KLF12: variants seen among roughly 807,000 people sequenced by gnomAD.
The protein encoded by KLF12 is KLF transcription factor 12, also known as Krueppel-like factor 12.
A neutral mutation model predicts 37.8 loss-of-function variants in KLF12; 9 were observed. The ratio of observed to expected loss-of-function variants is 0.24; its 90% CI spans 0.14 to 0.42. The LOEUF is 0.42. Among genes scored for constraint, KLF12 ranks in the 10% least tolerant of loss-of-function variants. The probability of loss-of-function intolerance (pLI) is 1.00; values close to 1 mark genes in which losing one functional copy is unlikely to be tolerated. For missense variants in KLF12, 411 were observed against 516.0 expected, an observed-to-expected ratio of 0.80 and a Z score of 1.97; for synonymous variants, 208 against 202.1, an observed-to-expected ratio of 1.03 and a Z score of -0.25.
At chr13:73,987,993 A>G (rs1313231505) in intron 2 of KLF12, among the ~76,000 whole-genome samples, 2 of 152,158 alleles carry the variant, frequency 1.3e-5, no homozygotes, top group African/African-American at 4.8e-5. Context: ...TGTCATTTCA[A>G]ATACTGTCTA....
At chr13:73,745,373 G>T (rs1295330487) in intron 6 of KLF12, among the ~76,000 whole-genome samples, 2 of 152,146 alleles carry the variant, frequency 1.3e-5, no homozygotes, top group Non-Finnish European at 2.9e-5. Context: ...GTAGGCTCTG[G>T]TTTTCCTCCT....
chr13:74,135,337 G>T (rs990758680), upstream of KLF12, among the ~76,000 whole-genome samples: 14 of 151,914 alleles, frequency 9.2e-5, no homozygotes, highest in Non-Finnish European at 1.5e-4. Context: ...GCGGGGAAGG[G>T]AGTCCAGCTC....
intron 6 of KLF12, among the ~76,000 whole-genome samples, chr13:73,764,482 A>T: frequency 6.6e-6 from 1 of 151,952 alleles, no homozygotes. Flanking sequence ...CAAATTAAAA[A>T]AAAAAAAAAT....
the KLF12 span, among the ~76,000 whole-genome samples, chr13:74,151,627 T>C: frequency 2.6e-5 from 4 of 151,838 alleles, no homozygotes; most frequent in East Asian, 1.9e-4. Flanking sequence ...CACTCCAGCC[T>C]GGGTGATGGA....
intron 6 of KLF12, among the ~76,000 whole-genome samples, chr13:73,740,795 T>C (rs1194647617): frequency 6.6e-6 from 1 of 152,202 alleles, no homozygotes; most frequent in Non-Finnish European, 1.5e-5. Flanking sequence ...CATTTTGTGC[T>C]CTAACATATG....
At chr13:74,292,468 A>G in the KLF12 span, among the ~76,000 whole-genome samples, 49 of 134,620 alleles carry the variant, frequency 3.6e-4, no homozygotes, top group African/African-American at 1.2e-3. Context: ...TTTTTTTTGT[A>G]TGTTTGTGGT....
At chr13:74,107,254 T>G (rs1034369007) in intron 1 of KLF12, among the ~76,000 whole-genome samples, 3 of 152,224 alleles carry the variant, frequency 2.0e-5, no homozygotes, top group Admixed American at 1.3e-4. Context: ...ATAATGAATT[T>G]TGGTGGGACA....
At chr13:74,030,967 C>A (rs1893097568) in intron 1 of KLF12, among the ~76,000 whole-genome samples, 1 of 152,052 alleles carries the variant, frequency 6.6e-6, no homozygotes, top group African/African-American at 2.4e-5. Context: ...TTATTAAAGT[C>A]TACTTCCTAC....
rs1432443795 is a variant in KLF12 at position 73,715,415 on chromosome 13, A to G, written c.980T>C (p.Val327Ala). The change falls in exon 7 of 8, where the codon GTG becomes GCG. Residue 327 changes from valine to alanine, a missense_variant. Around this residue, in one of 2 missense-constraint regions of KLF12, gnomAD observed 60 missense variants for 118.2 expected, o/e 0.51. Transcript: ENST00000377669. ...CTTCAGGTGAGAACTTTTTGTGTAC[A>G]CTTTGTTGCATCCCTCAAAATCACA... is the stretch of plus-strand genomic sequence containing the variant. 2 of 1,613,950 alleles carry G rather than the reference A, an allele frequency of 1.2e-6. No homozygotes were observed. The highest frequency in any genetic ancestry group is 2.7e-5 in the African/African-American group (2 of 74,924).
the KLF12 span, among the ~76,000 whole-genome samples, chr13:74,266,368 C>T: frequency 6.6e-6 from 1 of 152,138 alleles, no homozygotes; most frequent in South Asian, 2.1e-4. Context: ...CTGAATTTCC[C>T]ATTATGAATG....
intron 1 of KLF12, among the ~76,000 whole-genome samples, chr13:74,103,599 C>T (rs1196456114): frequency 2.6e-5 from 4 of 152,280 alleles, no homozygotes; most frequent in South Asian, 2.1e-4. Flanking sequence ...AGCTGTTTGG[C>T]TATACAACAA....
chr13:74,238,423 T>C, the KLF12 span, among the ~76,000 whole-genome samples: 1 of 138,452 alleles, frequency 7.2e-6, no homozygotes, highest in Non-Finnish European at 1.5e-5. Flanking sequence ...TGTCTCTGCC[T>C]GGCTTTGGTA....
At chr13:73,845,709 T>C (rs1200724654) in intron 4 of KLF12, 118 bp downstream of exon 4, 3 of 842,026 alleles carry the variant, frequency 3.6e-6, no homozygotes, top group Non-Finnish European at 3.7e-6. Flanking sequence ...TGTCTCCACG[T>C]TGCTCTACAC....
chr13:73,707,580 C>T (rs1177222314), intron 7 of KLF12, among the ~76,000 whole-genome samples: 1 of 152,116 alleles, frequency 6.6e-6, no homozygotes. Flanking sequence ...AAGCACTATG[C>T]TTTATCTAAC....
At chr13:74,014,641 C>T (rs1173182398) in intron 1 of KLF12, among the ~76,000 whole-genome samples, 1 of 152,166 alleles carries the variant, frequency 6.6e-6, no homozygotes, top group Non-Finnish European at 1.5e-5. Context: ...GCATTGACCG[C>T]AATTGTTAAA....
rs578144745 is a variant in KLF12, at chr13:73,803,334, G to T, written c.806+9818C>A. On this transcript the variant is annotated intron_variant, in intron 5 of 7. Transcript: ENST00000377669. ...GAGAAGCCCCTGCCTCAGGGCCTCTGCACTTGTTATTCCTTCTGCCTGGAA... is the reference window on the plus strand; with the variant it reads ...GAGAAGCCCCTGCCTCAGGGCCTCTTCACTTGTTATTCCTTCTGCCTGGAA... Among the ~76,000 whole-genome samples the T allele has an allele frequency of 2.0e-4, 31 of 152,286 alleles. 1 individual carries two copies. The highest frequency in any genetic ancestry group is 7.5e-4 in the African/African-American group (31 of 41,550).
chr13:73,686,149 A>C lies in KLF12; in HGVS notation c.*9341T>G, dbSNP rs932195204. On this transcript the variant is annotated 3_prime_UTR_variant, in exon 8 of 8. Coordinates refer to ENST00000377669, the MANE Select transcript of KLF12 (RefSeq NM_007249.5). ...TGCCTTCATTCAGATAATTATACAA[A>C]TGCATACAGTTAAAGGTTTAAACTC... 6 of 152,664 alleles carry C rather than the reference A, an allele frequency of 3.9e-5. No homozygotes were observed. Among genetic ancestry groups the C allele is most frequent in the Non-Finnish European group, 8.8e-5 (6 of 68,040 alleles). The allele number at this position is 152,664 out of a possible 1,614,324, so 9.5% of individuals were successfully genotyped here. A position where few individuals can be genotyped will look rare whatever the true frequency, so the allele number is the denominator to read the frequency against.
chr13:73,911,870 A>G (rs1486174920), intron 3 of KLF12, among the ~76,000 whole-genome samples: 1 of 151,956 alleles, frequency 6.6e-6, no homozygotes, highest in Non-Finnish European at 1.5e-5. Context: ...TTTCAATAAA[A>G]CTCTGTCATG....
the KLF12 span, among the ~76,000 whole-genome samples, chr13:74,140,954 GTGGGGGGT>G: frequency 0.98 from 148,362 of 152,056 alleles, 72,499 homozygotes; most frequent in Middle Eastern, 1. Context: ...TACTCGGGGG[GTGGGGGGT>G]GCTGAGGCAG....
Sources: allele counts gnomAD v4.1 joint callset (sites outside exome capture counted in the v4.1 genomes callset), GRCh38; gene constraint gnomAD v4.1.1; regional missense constraint gnomAD v4.1.1; transcripts MANE v1.5; gene names NCBI Gene and HGNC (gene_info 2026-07-23, HGNC 2026-07-21).